Variants in SOX5 observed in about 807,000 individuals in gnomAD.
The protein encoded by SOX5 is transcription factor SOX-5.
A neutral mutation model predicts 92.0 loss-of-function variants in SOX5; 9 were observed. The ratio of observed to expected loss-of-function variants is 0.10; its 90% CI spans 0.06 to 0.17. SOX5 has a LOEUF of 0.17. Ranked by LOEUF, SOX5 falls within the 10% of genes least tolerant of loss-of-function variation. SOX5 has a pLI of 1.00. For missense variants in SOX5, 642 were observed against 944.5 expected, an observed-to-expected ratio of 0.68 and a Z score of 4.20; for synonymous variants, 344 against 336.3, an observed-to-expected ratio of 1.02 and a Z score of -0.25.
intron 6 of SOX5, among the ~76,000 whole-genome samples, chr12:23,681,009 C>T (rs190314416): frequency 8.9e-4 from 135 of 151,906 alleles, no homozygotes; most frequent in Admixed American, 3.3e-3. Flanking sequence ...AGGTAAGATG[C>T]AAATAGAATA....
At chr12:23,562,353 C>T (rs1946362965) in intron 11 of SOX5, among the ~76,000 whole-genome samples, 1 of 152,202 alleles carries the variant, frequency 6.6e-6, no homozygotes, top group African/African-American at 2.4e-5. Flanking sequence ...AGTGATTATA[C>T]ATCAAACTCC....
intron 4 of SOX5, among the ~76,000 whole-genome samples, chr12:23,976,394 A>G (rs1026880970): frequency 8.3e-6 from 1 of 120,848 alleles, no homozygotes; most frequent in African/African-American, 3.1e-5. Context: ...CACTATTAAA[A>G]AAACAAAAAA....
At chr12:24,231,516 C>T (rs1006792) in intron 3 of SOX5, among the ~76,000 whole-genome samples, 44,741 of 152,078 alleles carry the variant, frequency 0.29, 7,418 homozygotes, top group East Asian at 0.72. Context: ...CCATTGGCTG[C>T]TTGTACATTC....
At chr12:24,344,400 G>A (rs776581064) in intron 2 of SOX5, among the ~76,000 whole-genome samples, 6 of 151,638 alleles carry the variant, frequency 4.0e-5, no homozygotes, top group Admixed American at 6.6e-5. Flanking sequence ...GCCAGTTTGC[G>A]ATTTGGTATC....
intron 1 of SOX5, among the ~76,000 whole-genome samples, chr12:24,411,454 G>A (rs1407404776): frequency 2.0e-5 from 3 of 152,082 alleles, no homozygotes; most frequent in African/African-American, 7.2e-5. Flanking sequence ...ATGTTTTATA[G>A]ATGTTCCATG....
At chr12:23,888,245 A>G (rs2097092271) in intron 2 of SOX5, among the ~76,000 whole-genome samples, 1 of 152,174 alleles carries the variant, frequency 6.6e-6, no homozygotes, top group South Asian at 2.1e-4. Flanking sequence ...AATGAAAGTC[A>G]TTAAATTCCA....
chr12:23,894,614 T>A (rs1426325302), intron 2 of SOX5, among the ~76,000 whole-genome samples: 2 of 152,192 alleles, frequency 1.3e-5, no homozygotes, highest in Non-Finnish European at 2.9e-5. Context: ...TGAATGGGAA[T>A]ATTTAAATCT....
At chr12:24,362,364 A>T (rs1027361292) in intron 2 of SOX5, among the ~76,000 whole-genome samples, 4 of 152,260 alleles carry the variant, frequency 2.6e-5, no homozygotes, top group African/African-American at 9.6e-5. Flanking sequence ...TCCTGCTAAG[A>T]TTTAGTCCTT....
At chr12:23,660,573 A>G (rs960294969) in intron 7 of SOX5, among the ~76,000 whole-genome samples, 1 of 152,230 alleles carries the variant, frequency 6.6e-6, no homozygotes, top group African/African-American at 2.4e-5. Flanking sequence ...AAAGGAATCA[A>G]TTGGTATAAA....
At chr12:23,632,619 C>T (rs925044151) in intron 8 of SOX5, among the ~76,000 whole-genome samples, 11 of 152,202 alleles carry the variant, frequency 7.2e-5, no homozygotes, top group African/African-American at 2.6e-4. Flanking sequence ...TGACCTTCTT[C>T]AGAGACTGGC....
At chr12:23,797,309 G>A (rs1252192578) in intron 3 of SOX5, among the ~76,000 whole-genome samples, 4 of 151,992 alleles carry the variant, frequency 2.6e-5, no homozygotes, top group African/African-American at 9.7e-5. Flanking sequence ...TGCTTTAAAT[G>A]TATGAGGATA....
intron 4 of SOX5, among the ~76,000 whole-genome samples, chr12:24,148,574 GTGTGGTGT>G (rs1951323511): frequency 6.6e-6 from 1 of 150,690 alleles, no homozygotes; most frequent in East Asian, 1.9e-4. Flanking sequence ...CAGGGGCTGG[GTGTGGTGT>G]CTCACACCCT....
chr12:23,810,188 C>T (rs2095852756), intron 3 of SOX5, among the ~76,000 whole-genome samples: 1 of 152,078 alleles, frequency 6.6e-6, no homozygotes, highest in South Asian at 2.1e-4. Context: ...TCCAAGTTGA[C>T]TTATTGTTCA....
At chr12:23,748,233 G>A (rs1406023348) in intron 4 of SOX5, among the ~76,000 whole-genome samples, 2 of 151,876 alleles carry the variant, frequency 1.3e-5, no homozygotes, top group African/African-American at 4.8e-5. Flanking sequence ...TGTATTTCCA[G>A]TATCTATAGA....
At chr12:23,908,510 A>G (rs1432221860) in intron 1 of SOX5, among the ~76,000 whole-genome samples, 3 of 152,080 alleles carry the variant, frequency 2.0e-5, no homozygotes, top group African/African-American at 7.2e-5. Context: ...TTTCTACAGC[A>G]GCTGTTGAAA....
chr12:24,307,885 T>C (rs932444194), intron 2 of SOX5, among the ~76,000 whole-genome samples: 13 of 152,090 alleles, frequency 8.5e-5, no homozygotes, highest in African/African-American at 3.1e-4. Context: ...TAGTCAGGCA[T>C]GAACAGGGCA....
At chr12:23,991,716 C>A (rs1592134151) in intron 4 of SOX5, among the ~76,000 whole-genome samples, 1 of 149,162 alleles carries the variant, frequency 6.7e-6, no homozygotes, top group Admixed American at 6.7e-5. Flanking sequence ...CACAGTGAAT[C>A]AAATACAGTA....
At chr12:23,779,525 G>A (rs539509196) in intron 3 of SOX5, among the ~76,000 whole-genome samples, 3 of 151,412 alleles carry the variant, frequency 2.0e-5, no homozygotes, top group East Asian at 3.9e-4. Flanking sequence ...AGAAGCTAAT[G>A]CGAAGATATC....
upstream of SOX5, among the ~76,000 whole-genome samples, chr12:23,951,418 C>A (rs1358797236): frequency 6.6e-6 from 1 of 150,982 alleles, no homozygotes; most frequent in Non-Finnish European, 1.5e-5. Flanking sequence ...CAAGGGTTGA[C>A]CCCACGGCAG....
Sources: gnomAD v4.1 joint callset for allele counts (sites outside exome capture counted in the v4.1 genomes callset) on GRCh38, gnomAD v4.1.1 for gene constraint, MANE v1.5 for transcripts, NCBI Gene and HGNC (gene_info 2026-07-23, HGNC 2026-07-21) for gene names.